Variants in SLC4A7 observed in about 807,000 individuals in gnomAD.
The protein encoded by SLC4A7 is solute carrier family 4 member 7, also known as sodium bicarbonate cotransporter 3.
SLC4A7 carries 51 observed loss-of-function variants against 137.6 expected under a neutral mutation model. That is an observed-to-expected ratio of 0.37 (90% confidence interval 0.30 to 0.47). The LOEUF (loss-of-function observed/expected upper bound fraction) is 0.47, where lower values mean the gene tolerates loss of function less well. SLC4A7 is among the 20% of genes least tolerant of loss of function. The probability of loss-of-function intolerance (pLI) is 1.00; values close to 1 mark genes in which losing one functional copy is unlikely to be tolerated. For missense variants in SLC4A7, 1,247 were observed against 1,525.4 expected, an observed-to-expected ratio of 0.82 and a Z score of 3.04; for synonymous variants, 542 against 518.6, an observed-to-expected ratio of 1.05 and a Z score of -0.61.
At chr3:27,401,304 C>T (rs2052721250) in intron 15 of SLC4A7, among the ~76,000 whole-genome samples, 1 of 152,140 alleles carries the variant, frequency 6.6e-6, no homozygotes, top group South Asian at 2.1e-4. Context: ...TACCTACTCA[C>T]AGTCACCCTT....
intron 10 of SLC4A7, 88 bp from the exon 11 acceptor site, chr3:27,418,720 T>C: frequency 1.3e-6 from 1 of 766,756 alleles, no homozygotes; most frequent in Admixed American, 2.7e-5. Flanking sequence ...CATAAATAGC[T>C]TCACAATAAA....
At chr3:27,407,272 A>G (rs2053464413) in intron 13 of SLC4A7, among the ~76,000 whole-genome samples, 1 of 151,806 alleles carries the variant, frequency 6.6e-6, no homozygotes, top group Admixed American at 6.6e-5. Context: ...ACGAGGTCAC[A>G]TTATCGAGAC....
chr3:27,426,498 G>A (rs1355452610), intron 7 of SLC4A7, among the ~76,000 whole-genome samples: 2 of 152,106 alleles, frequency 1.3e-5, no homozygotes, highest in African/African-American at 4.8e-5. Context: ...AAGGCTAAAT[G>A]TATTCCACCT....
At chr3:27,418,415 G>T in intron 11 of SLC4A7, 71 bp downstream of exon 11, 2 of 1,301,642 alleles carry the variant, frequency 1.5e-6, no homozygotes, top group Non-Finnish European at 2.1e-6. Context: ...TTTGGTTTTT[G>T]AATCACACCT....
intron 7 of SLC4A7, chr3:27,428,290 G>A (rs1232793995): frequency 6.5e-6 from 1 of 154,274 alleles, no homozygotes; most frequent in Non-Finnish European, 1.5e-5. Context: ...CCCTGCTCTG[G>A]TTGATCTTAA....
rs2049886881 is a variant in SLC4A7, at chr3:27,376,223, C to G, written c.*541G>C. 1 of 152,062 alleles carries G rather than the reference C, an allele frequency of 6.6e-6. No homozygotes were observed. The highest frequency in any genetic ancestry group is 2.1e-4 in the South Asian group (1 of 4,826). The allele number at this position is 152,062 out of a possible 1,614,324, so 9.4% of individuals were successfully genotyped here. On this transcript the variant is annotated 3_prime_UTR_variant, in exon 26 of 26. Coordinates refer to ENST00000454389, the MANE Select transcript of SLC4A7 (RefSeq NM_001321103.2). The stretch of plus-strand genomic sequence containing the variant: ...AAAGTTTCTATTGTTCTACAGTCAT[C>G]TCTATGGCTAAGAAAACGCCAGTTA...
intron 15 of SLC4A7, among the ~76,000 whole-genome samples, chr3:27,401,558 T>C (rs773810611): frequency 1.3e-5 from 2 of 152,228 alleles, no homozygotes; most frequent in Non-Finnish European, 2.9e-5. Context: ...AGACAGACTT[T>C]GGAGTCCATC....
At chr3:27,457,425 G>A (rs142155775) in intron 1 of SLC4A7, among the ~76,000 whole-genome samples, 16 of 152,216 alleles carry the variant, frequency 1.1e-4, no homozygotes, top group African/African-American at 3.9e-4. Context: ...TCAATCTGAT[G>A]TGATCTGCCC....
rs534429205 is a variant in SLC4A7, at chr3:27,411,679, C to A, written c.1729G>T (p.Ala577Ser). Reference sequence around the variant, plus strand: ...TGTAGCTCAGGCCCAGCATGATGAGCGGCCTCTTTAGGAGTCTCACCCAGT... The same window carrying A: ...TGTAGCTCAGGCCCAGCATGATGAGAGGCCTCTTTAGGAGTCTCACCCAGT... Reference protein sequence around the residue: ...PTLGETPKEAAHHAGPELQRT... With the variant: ...PTLGETPKEASHHAGPELQRT... The change falls in exon 12 of 26, where the codon GCT becomes TCT. Residue 577 changes from alanine to serine, a missense_variant. By Grantham distance (99) the Ala-to-Ser change is moderately conservative. This residue lies in a region of SLC4A7 where 499 missense variants were observed against 664.2 expected (regional missense o/e 0.75). Transcript: ENST00000454389. 6.4e-7 allele frequency: 1 copy of A among 1,564,036 alleles called. No individual in the cohort carries two copies. Among genetic ancestry groups the A allele is most frequent in the Non-Finnish European group, 8.7e-7 (1 of 1,151,724 alleles).
At chr3:27,397,177 G>C (rs113882416) in intron 18 of SLC4A7, among the ~76,000 whole-genome samples, 1 of 151,992 alleles carries the variant, frequency 6.6e-6, no homozygotes, top group Non-Finnish European at 1.5e-5. Context: ...ACAGGCGCCC[G>C]CCACCACGCC....
At chr3:27,452,558 T>A (rs918032167) in intron 1 of SLC4A7, 60 bp from the exon 2 acceptor site, 3 of 1,088,782 alleles carry the variant, frequency 2.8e-6, no homozygotes, top group South Asian at 1.5e-5. Context: ...ACCTATTATA[T>A]GCATCCTTTG....
intron 12 of SLC4A7, among the ~76,000 whole-genome samples, chr3:27,410,762 C>G (rs549260920): frequency 6.6e-6 from 1 of 152,256 alleles, no homozygotes; most frequent in East Asian, 1.9e-4. Flanking sequence ...GTACTGTTCA[C>G]ACAGGGTCAA....
At chr3:27,382,509 T>G (rs953075281) in intron 24 of SLC4A7, among the ~76,000 whole-genome samples, 6 of 152,206 alleles carry the variant, frequency 3.9e-5, no homozygotes, top group African/African-American at 1.4e-4. Flanking sequence ...CTTTTAAAAC[T>G]ACAAAAGTCT....
chr3:27,444,015 T>C (rs1308410666), intron 3 of SLC4A7, among the ~76,000 whole-genome samples: 1 of 152,360 alleles, frequency 6.6e-6, no homozygotes, highest in East Asian at 1.9e-4. Flanking sequence ...TGGTAAATAT[T>C]CCATTTGCAC....
intron 21 of SLC4A7, 131 bp downstream of exon 21, chr3:27,391,609 C>T: frequency 3.2e-6 from 2 of 622,860 alleles, no homozygotes; most frequent in Non-Finnish European, 2.9e-6. Context: ...TGTCTGAAGT[C>T]ATCAGTTAGA....
At chr3:27,406,285 A>G (rs1006261620) in intron 13 of SLC4A7, among the ~76,000 whole-genome samples, 2 of 152,232 alleles carry the variant, frequency 1.3e-5, no homozygotes, top group African/African-American at 4.8e-5. Flanking sequence ...CCTAGCAAGC[A>G]TGGTGTCTGG....
intron 24 of SLC4A7, among the ~76,000 whole-genome samples, chr3:27,382,811 GA>G (rs2050558730): frequency 6.6e-6 from 1 of 152,032 alleles, no homozygotes; most frequent in South Asian, 2.1e-4. Context: ...GGGCACAAAG[GA>G]AAAAGCCACA....
chr3:27,451,934 C>T (rs192255145), intron 2 of SLC4A7, among the ~76,000 whole-genome samples: 3 of 152,184 alleles, frequency 2.0e-5, no homozygotes, highest in Admixed American at 6.5e-5. Flanking sequence ...AGAAAAGAAA[C>T]CATTTGCCAG....
At chr3:27,391,852 A>C (rs760664723) in intron 20 of SLC4A7, 44 bp from the exon 21 acceptor site, 77 of 1,130,600 alleles carry the variant, frequency 6.8e-5, no homozygotes, top group Non-Finnish European at 9.1e-5. Flanking sequence ...AGTAGTAAGT[A>C]AACAAAAACA....
Sources: gnomAD v4.1 joint callset for allele counts (sites outside exome capture counted in the v4.1 genomes callset) on GRCh38, gnomAD v4.1.1 for gene constraint, gnomAD v4.1.1 regional missense constraint, MANE v1.5 for transcripts, NCBI Gene and HGNC (gene_info 2026-07-23, HGNC 2026-07-21) for gene names.